The following ANO6 variants were observed in gnomAD, a reference collection of about 807,000 sequenced individuals.
The protein encoded by ANO6 is anoctamin 6, also known as anoctamin-6.
ANO6 carries 106 observed loss-of-function variants against 117.5 expected under a neutral mutation model. The ratio of observed to expected loss-of-function variants is 0.90; its 90% CI spans 0.77 to 1.06. ANO6 has a LOEUF of 1.06. ANO6 is among the 50% of genes least tolerant of loss of function. The pLI, the probability that ANO6 is intolerant of heterozygous loss-of-function variation, is 0.00. For missense variants in ANO6, 955 were observed against 1,121.1 expected (o/e 0.85, Z 2.12); for synonymous variants, 367 against 385.1 (o/e 0.95, Z 0.55).
At chr12:45,265,701 T>C (rs1355148773) in intron 1 of ANO6, among the ~76,000 whole-genome samples, 2 of 152,224 alleles carry the variant, frequency 1.3e-5, no homozygotes, top group African/African-American at 2.4e-5. Context: ...GGCCCCATCA[T>C]GTGCTTTTCT....
intron 16 of ANO6, among the ~76,000 whole-genome samples, chr12:45,414,693 T>TAAAATA: frequency 6.6e-6 from 1 of 152,326 alleles, no homozygotes; most frequent in South Asian, 2.1e-4. Flanking sequence ...CAATACTGTC[T>TAAAATA]ATGCAAACAT....
At chr12:45,368,254 TTCC>T (rs1941734702) in intron 9 of ANO6, among the ~76,000 whole-genome samples, 1 of 152,340 alleles carries the variant, frequency 6.6e-6, no homozygotes, top group East Asian at 1.9e-4. Flanking sequence ...CCTTGAGCAT[TTCC>T]TTTGAACATT....
At chr12:45,357,506 T>G in intron 8 of ANO6, 82 bp downstream of exon 8, 1 of 1,530,594 alleles carries the variant, frequency 6.5e-7, no homozygotes, top group East Asian at 2.3e-5. Flanking sequence ...ACTGTTTTGG[T>G]AAGACAAGAC....
rs74080812 is a variant in ANO6 at position 45,348,474 on chromosome 12, A to G, written c.634-44A>G. On this transcript the variant is annotated intron_variant, in intron 5 of 19. Transcript: ENST00000320560. The stretch of plus-strand genomic sequence containing the variant: ...TAGTAAACAATGATTGGATTGGTTA[A>G]TTACACTATATAAACCGCATACTCT... 6.6e-3 allele frequency: 10,343 copies of G among 1,556,428 alleles called. 467 individuals are homozygous for G. In the African/African-American group the frequency reaches 0.11, roughly 17 times the overall value.
chr12:45,252,317 T>G (rs1937647779), intron 1 of ANO6, among the ~76,000 whole-genome samples: 1 of 152,244 alleles, frequency 6.6e-6, no homozygotes, highest in African/African-American at 2.4e-5. Flanking sequence ...ACTTTGAAGC[T>G]TCTCTCCTGG....
intron 13 of ANO6, among the ~76,000 whole-genome samples, 161 bp downstream of exon 13, chr12:45,402,181 C>T (rs2137630386): frequency 6.6e-6 from 1 of 152,286 alleles, no homozygotes; most frequent in African/African-American, 2.4e-5. Flanking sequence ...AATAAATTAT[C>T]TACAGCTTTG....
intron 9 of ANO6, among the ~76,000 whole-genome samples, chr12:45,376,110 A>G (rs1035151832): frequency 4.9e-4 from 74 of 151,566 alleles, no homozygotes; most frequent in Admixed American, 7.9e-4. Context: ...AATGCTCATC[A>G]TCACTGGCCA....
rs3847984 is a variant in ANO6 at position 45,350,538 on chromosome 12, T to C, written c.748-121T>C. On this transcript the variant is annotated intron_variant, in intron 6 of 19. Transcript: ENST00000320560. ...TAAAAATTAGATGGTATTTCCACCC[T>C]TTCCAGAAGGTGAGGACCCCTTGTT... The C allele has an allele frequency of 0.01, 8,105 of 793,448 alleles. 367 individuals are homozygous for C. In the African/African-American group the frequency reaches 0.11, roughly 11 times the overall value. The allele number at this position is 793,448 out of a possible 1,614,324, so 49.2% of individuals were successfully genotyped here.
At chr12:45,224,894 A>G (rs1217296814) in intron 1 of ANO6, among the ~76,000 whole-genome samples, 1 of 152,230 alleles carries the variant, frequency 6.6e-6, no homozygotes, top group Non-Finnish European at 1.5e-5. Context: ...AGGATTAAGA[A>G]TACCGGAAAT....
intron 1 of ANO6, among the ~76,000 whole-genome samples, chr12:45,295,225 C>T (rs1939248263): frequency 6.6e-6 from 1 of 152,192 alleles, no homozygotes; most frequent in Non-Finnish European, 1.5e-5. Flanking sequence ...GACTGAGTGG[C>T]TCTATTTTAA....
intron 3 of ANO6, among the ~76,000 whole-genome samples, chr12:45,343,695 G>C (rs1941044871): frequency 6.6e-6 from 1 of 152,176 alleles, no homozygotes; most frequent in South Asian, 2.1e-4. Flanking sequence ...TGATGGGTTA[G>C]ATAAATAAGG....
At chr12:45,350,094 AAAAG>A (rs1320893838) in intron 6 of ANO6, among the ~76,000 whole-genome samples, 1 of 152,208 alleles carries the variant, frequency 6.6e-6, no homozygotes, top group Non-Finnish European at 1.5e-5. Context: ...GAGTCAGAAA[AAAAG>A]GCAACTGGAT....
intron 7 of ANO6, among the ~76,000 whole-genome samples, chr12:45,351,044 T>C (rs1204892558): frequency 6.6e-6 from 1 of 152,224 alleles, no homozygotes; most frequent in African/African-American, 2.4e-5. Flanking sequence ...GTTGATCTTC[T>C]GGCATGGCCA....
At chr12:45,313,344 G>A (rs10748421) in intron 2 of ANO6, 149,794 of 152,102 alleles carry the variant, frequency 0.98, 73,813 homozygotes, top group Middle Eastern at 1. Flanking sequence ...TTCCTCATAT[G>A]TAAAAAGCAG....
At chr12:45,252,223 A>C (rs1937645611) in intron 1 of ANO6, among the ~76,000 whole-genome samples, 1 of 152,212 alleles carries the variant, frequency 6.6e-6, no homozygotes, top group African/African-American at 2.4e-5. Flanking sequence ...CACACAAAAA[A>C]ATTTAGCAGT....
rs1555155492 is a variant in ANO6 at position 45,216,343 on chromosome 12, G to A, written c.22G>A (p.Val8Ile). ...AGACATGAAAAAGATGAGCAGGAATGTTTTGCTACAAATGGAGGAGGAGGA... is the reference window on the plus strand; with the variant it reads ...AGACATGAAAAAGATGAGCAGGAATATTTTGCTACAAATGGAGGAGGAGGA... MKKMSRNVLLQMEEEEDD... is the reference protein window; with the variant it reads MKKMSRNILLQMEEEEDD... The change falls in exon 1 of 20, where the codon GTT (valine) becomes ATT (isoleucine). Residue 8 changes from valine to isoleucine, a missense_variant. Val to Ile is a conservative substitution (Grantham distance 29, BLOSUM62 3). Transcript: ENST00000320560. 6.2e-7 allele frequency: 1 copy of A among 1,612,806 alleles called. No individual in the cohort carries two copies. The highest frequency in any genetic ancestry group is 8.5e-7 in the Non-Finnish European group (1 of 1,179,344).
intron 1 of ANO6, among the ~76,000 whole-genome samples, chr12:45,264,561 A>G (rs1388744243): frequency 6.6e-6 from 1 of 152,240 alleles, no homozygotes; most frequent in Non-Finnish European, 1.5e-5. Context: ...TGGACCAAAG[A>G]GTAAAGTTTT....
chr12:45,361,180 A>ATATC (rs199983063), intron 8 of ANO6, among the ~76,000 whole-genome samples: 1 of 150,938 alleles, frequency 6.6e-6, no homozygotes, highest in Admixed American at 6.6e-5. Flanking sequence ...TGAACACAGG[A>ATATC]TGTCTTTTCA....
intron 7 of ANO6, among the ~76,000 whole-genome samples, chr12:45,356,431 C>T (rs773636385): frequency 1.3e-5 from 2 of 152,172 alleles, no homozygotes; most frequent in Non-Finnish European, 2.9e-5. Flanking sequence ...TATATTTTGA[C>T]TCCCTTTAAA....
Sources: gnomAD v4.1 joint callset for allele counts (sites outside exome capture counted in the v4.1 genomes callset) on GRCh38, gnomAD v4.1.1 for gene constraint, MANE v1.5 for transcripts, NCBI Gene and HGNC (gene_info 2026-07-23, HGNC 2026-07-21) for gene names.